Variants in SCHIP1 observed in about 807,000 individuals in gnomAD.
The protein encoded by SCHIP1 is schwannomin-interacting protein 1.
SCHIP1 carries 8 observed loss-of-function variants against 29.7 expected under a neutral mutation model. The observed-to-expected ratio is 0.27, with a 90% CI of 0.16 to 0.49. SCHIP1 has a LOEUF of 0.49. Among genes scored for constraint, SCHIP1 ranks in the 20% least tolerant of loss-of-function variants. The probability of loss-of-function intolerance (pLI) is 0.99; values close to 1 mark genes in which losing one functional copy is unlikely to be tolerated. For synonymous variants in SCHIP1, 76 were observed against 94.9 expected (o/e 0.80, Z 1.16); for missense variants, 193 against 294.6 (o/e 0.66, Z 2.52).
chr3:159,475,915 T>G, the SCHIP1 span, among the ~76,000 whole-genome samples: 2 of 152,154 alleles, frequency 1.3e-5, no homozygotes, highest in African/African-American at 4.8e-5. Context: ...CAGAGGAAAC[T>G]ATGGGTAAGT....
At chr3:159,882,378 T>C (rs897790594) in intron 2 of SCHIP1, among the ~76,000 whole-genome samples, 6 of 152,212 alleles carry the variant, frequency 3.9e-5, no homozygotes, top group African/African-American at 1.4e-4. Flanking sequence ...TGAACATTTA[T>C]ACGTAGATAC....
chr3:159,356,209 A>T, the SCHIP1 span, among the ~76,000 whole-genome samples: 15 of 115,712 alleles, frequency 1.3e-4, no homozygotes, highest in Admixed American at 4.5e-4. Flanking sequence ...AAAGTATAAT[A>T]AAAAAAAAAA....
chr3:159,392,573 T>C, the SCHIP1 span, among the ~76,000 whole-genome samples: 2 of 151,992 alleles, frequency 1.3e-5, no homozygotes, highest in Admixed American at 1.3e-4. Context: ...TTTGGTTTTT[T>C]GTTCTTGTGA....
At chr3:159,507,468 TG>T in the SCHIP1 span, among the ~76,000 whole-genome samples, 1 of 152,244 alleles carries the variant, frequency 6.6e-6, no homozygotes, top group Admixed American at 6.5e-5. Context: ...TTCCTTCTCC[TG>T]CCTGATTGCC....
At chr3:159,826,973 TG>T in the SCHIP1 span, among the ~76,000 whole-genome samples, 2 of 152,228 alleles carry the variant, frequency 1.3e-5, no homozygotes, top group African/African-American at 2.4e-5. Flanking sequence ...TGTCATGTGT[TG>T]GGAGTAGCAT....
the SCHIP1 span, among the ~76,000 whole-genome samples, chr3:159,785,526 T>C: frequency 6.6e-6 from 1 of 151,918 alleles, no homozygotes; most frequent in Admixed American, 6.6e-5. Flanking sequence ...AATGCTGATA[T>C]ATGATGCTGA....
chr3:159,472,251 G>C, the SCHIP1 span, among the ~76,000 whole-genome samples: 1 of 152,278 alleles, frequency 6.6e-6, no homozygotes, highest in South Asian at 2.1e-4. Context: ...GTTGTGTGTA[G>C]AGAAAAAGAC....
At chr3:159,767,879 C>T in the SCHIP1 span, among the ~76,000 whole-genome samples, 1 of 152,124 alleles carries the variant, frequency 6.6e-6, no homozygotes, top group Non-Finnish European at 1.5e-5. Flanking sequence ...TATTTTTGGT[C>T]CCTCTGAAAT....
At chr3:159,896,132 T>C (rs1191926656) in intron 6 of SCHIP1, among the ~76,000 whole-genome samples, 1 of 152,230 alleles carries the variant, frequency 6.6e-6, no homozygotes, top group Non-Finnish European at 1.5e-5. Context: ...TGTTAGACAT[T>C]GGCTTTTGCA....
chr3:159,791,406 A>G, the SCHIP1 span, among the ~76,000 whole-genome samples: 71 of 152,366 alleles, frequency 4.7e-4, no homozygotes, highest in African/African-American at 1.6e-3. Context: ...ACAAAAGGGA[A>G]GAGGCGATGT....
At chr3:159,291,188 G>C in the SCHIP1 span, among the ~76,000 whole-genome samples, 3 of 152,032 alleles carry the variant, frequency 2.0e-5, no homozygotes, top group Admixed American at 1.3e-4. Flanking sequence ...TCTGGCCAAA[G>C]ATGAGAATAT....
the SCHIP1 span, among the ~76,000 whole-genome samples, chr3:159,498,004 C>A: frequency 6.6e-6 from 1 of 152,174 alleles, no homozygotes; most frequent in South Asian, 2.1e-4. Context: ...TTTTTTTTCT[C>A]TCTCCCTGAT....
chr3:159,301,447 T>C, the SCHIP1 span, among the ~76,000 whole-genome samples: 22 of 151,954 alleles, frequency 1.4e-4, no homozygotes, highest in African/African-American at 4.4e-4. Context: ...ACTTGAGGAG[T>C]GAAACTACAT....
the SCHIP1 span, among the ~76,000 whole-genome samples, chr3:159,408,095 G>A: frequency 3.9e-5 from 6 of 152,088 alleles, no homozygotes; most frequent in Admixed American, 6.5e-5. Context: ...TCAGGAGATC[G>A]AGACCATCCT....
At chr3:159,758,398 G>A in the SCHIP1 span, among the ~76,000 whole-genome samples, 3 of 152,136 alleles carry the variant, frequency 2.0e-5, no homozygotes, top group East Asian at 1.9e-4. Context: ...TGATCCGCCC[G>A]CCTCAGCCTC....
chr3:159,707,895 G>A, the SCHIP1 span, among the ~76,000 whole-genome samples: 1 of 152,132 alleles, frequency 6.6e-6, no homozygotes, highest in African/African-American at 2.4e-5. Context: ...CCTGACCAAG[G>A]TTTCTGTCCC....
chr3:159,531,303 C>T, the SCHIP1 span, among the ~76,000 whole-genome samples: 6 of 152,204 alleles, frequency 3.9e-5, no homozygotes, highest in Non-Finnish European at 7.3e-5. Context: ...CATTCTCCAA[C>T]ACCTGGGATG....
chr3:159,826,322 C>G, the SCHIP1 span, among the ~76,000 whole-genome samples: 100 of 152,248 alleles, frequency 6.6e-4, no homozygotes, highest in African/African-American at 2.4e-3. Flanking sequence ...GGTCAAAGTT[C>G]TGATGGCTTC....
the SCHIP1 span, among the ~76,000 whole-genome samples, chr3:159,505,478 A>AT: frequency 2.6e-5 from 4 of 151,996 alleles, no homozygotes; most frequent in African/African-American, 7.2e-5. Context: ...ATGTTTTTAT[A>AT]TTTTTTTATT....
Sources: gnomAD v4.1 joint callset for allele counts (sites outside exome capture counted in the v4.1 genomes callset) on GRCh38, gnomAD v4.1.1 for gene constraint, MANE v1.5 for transcripts, NCBI Gene and HGNC (gene_info 2026-07-23, HGNC 2026-07-21) for gene names.